PLA2G4C: variants seen among roughly 807,000 people sequenced by gnomAD.
PLA2G4C encodes the protein cytosolic phospholipase A2 gamma.
In PLA2G4C, 64 loss-of-function variants were observed where a neutral mutation model predicts 73.8. The observed-to-expected ratio is 0.87, with a 90% CI of 0.71 to 1.07. The LOEUF (loss-of-function observed/expected upper bound fraction) is 1.07, where lower values mean the gene tolerates loss of function less well. Among genes scored for constraint, PLA2G4C ranks in the 50% least tolerant of loss-of-function variants. The probability of loss-of-function intolerance (pLI) is 0.00; values close to 1 mark genes in which losing one functional copy is unlikely to be tolerated. For missense variants in PLA2G4C, 622 were observed against 665.4 expected (o/e 0.93, Z 0.72); for synonymous variants, 254 against 252.1 (o/e 1.01, Z -0.07).
At chr19:48,096,985 G>T (rs912929917) in intron 6 of PLA2G4C, 1 of 151,816 alleles carries the variant, frequency 6.6e-6, no homozygotes, top group African/African-American at 2.4e-5. Flanking sequence ...GAGAAACCAC[G>T]TCTCTACTAA....
At chr19:48,080,714 C>T (rs1398579602) in intron 10 of PLA2G4C, among the ~76,000 whole-genome samples, 1 of 150,738 alleles carries the variant, frequency 6.6e-6, no homozygotes, top group Non-Finnish European at 1.5e-5. Context: ...GAGGCTGAGG[C>T]AGGAGAATCA....
intron 10 of PLA2G4C, among the ~76,000 whole-genome samples, chr19:48,084,602 C>A (rs1209462370): frequency 6.6e-6 from 1 of 152,218 alleles, no homozygotes; most frequent in Non-Finnish European, 1.5e-5. Context: ...CTCAAATGAT[C>A]CGCCCGCCTT....
chr19:48,056,783 G>T (rs1346472114), intron 14 of PLA2G4C, among the ~76,000 whole-genome samples: 2 of 133,304 alleles, frequency 1.5e-5, no homozygotes, highest in East Asian at 4.5e-4. Flanking sequence ...AGTGAGCCCA[G>T]ATAGCACCAC....
At chr19:48,073,090 G>T (rs11883391) in intron 12 of PLA2G4C, 1 of 152,346 alleles carries the variant, frequency 6.6e-6, no homozygotes, top group South Asian at 2.1e-4. Flanking sequence ...CTGTCACCCA[G>T]GCTGGAATGC....
chr19:48,062,364 A>G lies in PLA2G4C; in HGVS notation c.1103-212T>C. On this transcript the variant is annotated intron_variant, in intron 13 of 16. Coordinates refer to ENST00000599921, the MANE Select transcript of PLA2G4C (RefSeq NM_003706.3). The stretch of plus-strand genomic sequence containing the variant: ...GGTGCCTCACACCTGAAATCCCAGC[A>G]CTTTGGGGGCTGAGGCAGGTGGATC... 3 of 410,352 alleles carry G rather than the reference A, an allele frequency of 7.3e-6. No homozygotes were observed. The South Asian group carries it at 1.2e-4, about 17-fold the overall frequency. 25.4% of individuals were successfully genotyped at this position (410,352 alleles called of 1,614,324 possible). A position where few individuals can be genotyped will look rare whatever the true frequency, so the allele number is the denominator to read the frequency against.
chr19:48,083,438 C>A (rs369934588), intron 10 of PLA2G4C, among the ~76,000 whole-genome samples: 1 of 40,438 alleles, frequency 2.5e-5, no homozygotes, highest in Non-Finnish European at 5.9e-5. Context: ...TTTTCTTTTT[C>A]TTTTTCTTTT....
Position 48,105,920 on chromosome 19 carries a change from TCCCTCCCTCCCTCCCTCCC to T in PLA2G4C, c.9-495_9-477del, listed in dbSNP as rs1568457413. Among the ~76,000 whole-genome samples, 6 of 16,532 alleles carry T rather than the reference TCCCTCCCTCCCTCCCTCCC, an allele frequency of 3.6e-4. 1 individual carries two copies. The highest frequency in any genetic ancestry group is 2.9e-3 in the African/African-American group (6 of 2,090). 10.8% of individuals were successfully genotyped at this position (16,532 alleles called of 152,430 possible). ...CTCCCTCCCTCCCTCCCTCCCTCCC[TCCCTCCCTCCCTCCCTCCC>T]TCCCTCCCTTCTTTCTTTCTTTCTT... On this transcript the variant is annotated intron_variant, in intron 2 of 16. Coordinates refer to ENST00000599921, the MANE Select transcript of PLA2G4C (RefSeq NM_003706.3).
intron 1 of PLA2G4C, among the ~76,000 whole-genome samples, chr19:48,108,091 CTT>C (rs1401295630): frequency 2.0e-5 from 3 of 152,100 alleles, no homozygotes; most frequent in Admixed American, 6.6e-5. Context: ...GCCCAGCTGT[CTT>C]TTCTTCTATC....
intron 3 of PLA2G4C, among the ~76,000 whole-genome samples, chr19:48,105,100 A>AAG (rs1334618069): frequency 7.0e-6 from 1 of 142,156 alleles, no homozygotes; most frequent in Non-Finnish European, 1.5e-5. Context: ...AAAAAAAAAA[A>AAG]AAAAGAAAGA....
At chr19:48,077,963 T>G in intron 10 of PLA2G4C, 139 bp from the exon 11 acceptor site, 1 of 615,272 alleles carries the variant, frequency 1.6e-6, no homozygotes. Flanking sequence ...TCTGGAGAGC[T>G]AATTTTGTAC....
intron 7 of PLA2G4C, among the ~76,000 whole-genome samples, chr19:48,091,899 AAAAAAAAAAAT>A (rs2031322796): frequency 6.8e-6 from 1 of 147,088 alleles, no homozygotes; most frequent in Non-Finnish European, 1.5e-5. Context: ...AAAAAAAAAA[AAAAAAAAAAAT>A]AGACACACCC....
chr19:48,091,287 G>A (rs2031281239), intron 7 of PLA2G4C, among the ~76,000 whole-genome samples: 1 of 152,078 alleles, frequency 6.6e-6, no homozygotes, highest in African/African-American at 2.4e-5. Flanking sequence ...CCAGATTCAA[G>A]TGATTCTCCT....
intron 13 of PLA2G4C, chr19:48,064,016 A>G (rs1004333789): frequency 6.6e-6 from 1 of 152,186 alleles, no homozygotes; most frequent in Admixed American, 6.6e-5. Flanking sequence ...TACGGAAAGT[A>G]AGAGGAGAAA....
chr19:48,105,819 TC>T (rs2032156635), intron 2 of PLA2G4C, among the ~76,000 whole-genome samples: 1 of 15,902 alleles, frequency 6.3e-5, no homozygotes, highest in African/African-American at 3.6e-4. Flanking sequence ...TCCCCTTCCC[TC>T]CCCTCCCTCC....
At chr19:48,061,779 C>T (rs1045184403) in intron 14 of PLA2G4C, 1 of 537,936 alleles carries the variant, frequency 1.9e-6, no homozygotes, top group Non-Finnish European at 3.3e-6. Flanking sequence ...AAGAGGGGCC[C>T]GGGAAGGTCT....
At chr19:48,070,277 T>C (rs768182320) in intron 12 of PLA2G4C, among the ~76,000 whole-genome samples, 8 of 152,232 alleles carry the variant, frequency 5.3e-5, no homozygotes, top group Non-Finnish European at 1.0e-4. Flanking sequence ...TGAAGGTATT[T>C]TGTAGATGTG....
intron 3 of PLA2G4C, among the ~76,000 whole-genome samples, chr19:48,105,124 A>G (rs1299860415): frequency 7.8e-6 from 1 of 128,762 alleles, no homozygotes; most frequent in Admixed American, 7.0e-5. Flanking sequence ...GAAAAGAAAA[A>G]GAAAGGAGGA....
chr19:48,068,082 T>C (rs1968511327), intron 12 of PLA2G4C, among the ~76,000 whole-genome samples, 196 bp from the exon 13 acceptor site: 2 of 152,088 alleles, frequency 1.3e-5, no homozygotes, highest in South Asian at 4.1e-4. Flanking sequence ...GGCAGAAGGA[T>C]CACCATATCA....
At chr19:48,054,857 C>T in intron 15 of PLA2G4C, 21 bp downstream of exon 15, 1 of 1,612,790 alleles carries the variant, frequency 6.2e-7, no homozygotes, top group Non-Finnish European at 8.5e-7. Context: ...GGCTTCTCAC[C>T]TGCTCCTCCC....
Sources: gnomAD v4.1 joint callset for allele counts (sites outside exome capture counted in the v4.1 genomes callset) on GRCh38, gnomAD v4.1.1 for gene constraint, MANE v1.5 for transcripts, NCBI Gene and HGNC (gene_info 2026-07-23, HGNC 2026-07-21) for gene names.